Variants in KMT2D observed in about 807,000 individuals in gnomAD.
The protein encoded by KMT2D is lysine methyltransferase 2D.
Under a neutral mutation model 512.7 loss-of-function variants are expected in KMT2D, and 55 were observed. That is an observed-to-expected ratio of 0.11 (90% confidence interval 0.09 to 0.13). The LOEUF (loss-of-function observed/expected upper bound fraction) is 0.13, where lower values mean the gene tolerates loss of function less well. KMT2D is among the 10% of genes least tolerant of loss of function. The pLI is 1.00. For missense variants in KMT2D, 6,061 were observed against 7,127.9 expected, an observed-to-expected ratio of 0.85 and a Z score of 5.39; for synonymous variants, 2,995 against 2,904.0, an observed-to-expected ratio of 1.03 and a Z score of -1.01.
In KMT2D at chr12:49,055,267, C is replaced by A; in HGVS notation, c.49+9G>T. The A allele has an allele frequency of 1.2e-6, 2 of 1,613,896 alleles. No homozygotes were observed. Among genetic ancestry groups the A allele is most frequent in the Non-Finnish European group, 1.7e-6 (2 of 1,179,770 alleles). On this transcript the variant is annotated intron_variant, in intron 2 of 54. Transcript: ENST00000301067. Reference sequence around the variant, plus strand: ...ATCTAAAAGCAAACAAACAATTTGTCCTACTCACCTGCCGGTTCTGAATCT... The same window carrying A: ...ATCTAAAAGCAAACAAACAATTTGTACTACTCACCTGCCGGTTCTGAATCT...
At position 49,052,968 on chromosome 12, in the gene KMT2D, C is replaced by A; in HGVS notation, c.1059G>T (p.Gln353His). ...CAACGGAGCGGATAGTCTGACCTCC[C>A]TGGGCTTTGTGACAGCGGTGACAGA... ...YSLCHRCHKA[Q>H]GGQTIRSVAE... Residue 353 changes from glutamine to histidine, a missense_variant, in exon 9 of 55, where the codon CAG becomes CAT. This residue lies in a region of KMT2D where 848 missense variants were observed against 838.5 expected (regional missense o/e 1.01). Coordinates refer to ENST00000301067, the MANE Select transcript of KMT2D (RefSeq NM_003482.4). 6.2e-7 allele frequency: 1 copy of A among 1,614,042 alleles called. No individual in the cohort carries two copies. Among genetic ancestry groups the A allele is most frequent in the Non-Finnish European group, 8.5e-7 (1 of 1,179,872 alleles).
At chr12:49,057,752 A>G (rs1242461182) in intron 1 of KMT2D, among the ~76,000 whole-genome samples, 3 of 152,184 alleles carry the variant, frequency 2.0e-5, no homozygotes, top group Admixed American at 6.5e-5. Flanking sequence ...CCCATCATTC[A>G]CAGCCAGTAA....
intron 19 of KMT2D, 65 bp downstream of exon 19, chr12:49,045,855 G>T: frequency 2.3e-6 from 3 of 1,301,208 alleles, no homozygotes; most frequent in South Asian, 1.2e-5. Context: ...CTAGGGGGTT[G>T]GAGCTAGACT....
Position 49,031,637 on chromosome 12 carries a change from C to G in KMT2D, c.13068G>C (p.Gly4356=). 6.2e-7 allele frequency: 1 copy of G among 1,604,056 alleles called. No individual in the cohort carries two copies. Among genetic ancestry groups the G allele is most frequent in the Non-Finnish European group, 8.5e-7 (1 of 1,175,546 alleles). Residue 4356 remains glycine, a synonymous_variant, in exon 40 of 55, where the codon GGG becomes GGC. Coordinates refer to ENST00000301067, the MANE Select transcript of KMT2D (RefSeq NM_003482.4). ...PQGPTLEPPP[G]RVSPAAAQLA... ...GCTGGGCAGCAGCAGGTGAGACCCT[C>G]CCAGGAGGCGGCTCCAAGGTTGGCC...
In KMT2D at chr12:49,050,316, G is replaced by A. The variant is rs1352767514; in HGVS notation, c.3272C>T (p.Thr1091Ile). 1.2e-6 allele frequency: 2 copies of A among 1,611,096 alleles called. No homozygotes were observed. The highest frequency in any genetic ancestry group is 1.7e-6 in the Non-Finnish European group (2 of 1,178,632). ...PECPALEPSATSPLPSPMGDL... is the reference protein window; with the variant it reads ...PECPALEPSAISPLPSPMGDL... ...CCCCATTGGGGAAGGGAGAGGACTG[G>A]TGGCACTGGGTTCCAAGGCTGGGCA... Residue 1091 changes from threonine (T) to isoleucine (I), a missense_variant, in exon 12 of 55, where the codon ACC (threonine) becomes ATC (isoleucine). Physicochemically the swap from Thr to Ile is moderately conservative, Grantham distance 89. Coordinates refer to ENST00000301067, the MANE Select transcript of KMT2D (RefSeq NM_003482.4).
At chr12:49,049,619 C>G (rs1390459271) in intron 12 of KMT2D, 63 bp downstream of exon 12, 1 of 1,485,938 alleles carries the variant, frequency 6.7e-7, no homozygotes, top group East Asian at 2.3e-5. Flanking sequence ...ATCAGTGACA[C>G]AGGACTGTAC....
At chr12:49,028,196 A>G in intron 46 of KMT2D, 55 bp from the exon 47 acceptor site, 1 of 1,609,932 alleles carries the variant, frequency 6.2e-7, no homozygotes, top group Non-Finnish European at 8.5e-7. Flanking sequence ...GTCTGAGGTG[A>G]GCTCTACTAC....
At position 49,040,802 on chromosome 12, in the gene KMT2D, G is replaced by A. The variant is rs773602108; in HGVS notation, c.6968C>T (p.Thr2323Ile). 6.2e-7 allele frequency: 1 copy of A among 1,613,732 alleles called. No homozygotes were observed. The highest frequency in any genetic ancestry group is 1.1e-5 in the South Asian group (1 of 91,088). Residue 2323 changes from threonine (T) to isoleucine (I), a missense_variant, in exon 32 of 55, where the codon ACA becomes ATA. Physicochemically the swap from Thr to Ile is moderately conservative, Grantham distance 89. Coordinates refer to ENST00000301067, the MANE Select transcript of KMT2D (RefSeq NM_003482.4). ...CAGGGGGGCTTTGAAGACATCAGGT[G>A]TCTTTAACTCCAGGCCACCCAGGTG... ...GTHLGGLELKTPDVFKAPLTP... is the reference protein window; with the variant it reads ...GTHLGGLELKIPDVFKAPLTP...
At position 49,037,663 on chromosome 12, in the gene KMT2D, A is replaced by G; in HGVS notation, c.9693T>C (p.Asp3231=). 2 of 1,581,236 alleles carry G rather than the reference A, an allele frequency of 1.3e-6. No individual in the cohort carries two copies. Among genetic ancestry groups the G allele is most frequent in the South Asian group, 1.2e-5 (1 of 86,240 alleles). The change falls in exon 35 of 55, where the codon GAT becomes GAC. Residue 3231 remains aspartate, a synonymous_variant. Coordinates refer to ENST00000301067, the MANE Select transcript of KMT2D (RefSeq NM_003482.4). Reference sequence around the variant, plus strand: ...GTGAGCTCTCCATCTTGTCTAGCTCATCCCCAGATGCTGCAGGTCCACCAG... The same window carrying G: ...GTGAGCTCTCCATCTTGTCTAGCTCGTCCCCAGATGCTGCAGGTCCACCAG... ...TLPGGPAASG[D]ELDKMESSLV...
rs1253064127 is a variant in KMT2D at position 49,048,135 on chromosome 12, C to A, written c.4132-66G>T. Reference sequence around the variant, plus strand: ...CCCCATCCCACTCAGATCCAGTCTACTATGACGCTACAACACTGATTTGCG... The same window carrying A: ...CCCCATCCCACTCAGATCCAGTCTAATATGACGCTACAACACTGATTTGCG... On this transcript the variant is annotated intron_variant, in intron 14 of 54. Coordinates refer to ENST00000301067, the MANE Select transcript of KMT2D (RefSeq NM_003482.4). 3.7e-6 allele frequency: 4 copies of A among 1,079,578 alleles called. No individual in the cohort carries two copies. In the African/African-American group the frequency reaches 6.2e-5, roughly 17 times the overall value. The allele number at this position is 1,079,578 out of a possible 1,614,324, so 66.9% of individuals were successfully genotyped here.
intron 25 of KMT2D, 41 bp from the exon 26 acceptor site, chr12:49,043,227 G>A: frequency 6.4e-7 from 1 of 1,565,768 alleles, no homozygotes; most frequent in South Asian, 1.1e-5. Context: ...AGGCCAGGAT[G>A]GGTCATGGCC....
At chr12:49,057,085 C>G (rs111514395) in intron 1 of KMT2D, among the ~76,000 whole-genome samples, 1 of 152,098 alleles carries the variant, frequency 6.6e-6, no homozygotes, top group Non-Finnish European at 1.5e-5. Flanking sequence ...CTGGCCGGCT[C>G]GTACAAAAGC....
rs1340981521 is a variant in KMT2D, at chr12:49,043,969, C to T, written c.5218G>A (p.Ala1740Thr). 8 of 1,614,066 alleles carry T rather than the reference C, an allele frequency of 5.0e-6. No individual in the cohort carries two copies. Among genetic ancestry groups the T allele is most frequent in the Admixed American group, 3.3e-5 (2 of 60,030 alleles). Reference sequence around the variant, plus strand: ...CCTTCAGCTAAGCTCTGCTCCACGGCGCCCTCTGCAGGCAGGTCAGCAGGT... The same window carrying T: ...CCTTCAGCTAAGCTCTGCTCCACGGTGCCCTCTGCAGGCAGGTCAGCAGGT... Reference protein sequence around the residue: ...VIPADLPAEGAVEQSLAEGDE... With the variant: ...VIPADLPAEGTVEQSLAEGDE... The change falls in exon 23 of 55, where the codon GCC becomes ACC. Residue 1740 changes from alanine to threonine, a missense_variant. Physicochemically the swap from Ala to Thr is moderately conservative, Grantham distance 58 (BLOSUM62 0). Around this residue, in one of 16 missense-constraint regions of KMT2D, gnomAD observed 640 missense variants for 814.3 expected, o/e 0.79. Transcript: ENST00000301067.
At position 49,021,717 on chromosome 12, in the gene KMT2D, C is replaced by T. The variant is rs1942336499; in HGVS notation, c.*63G>A. ...TCTGGCTGCTACCTCTCTTCCCCCTCATCCCTTTCAGGGAAGAGGTTGTGG... is the reference window on the plus strand; with the variant it reads ...TCTGGCTGCTACCTCTCTTCCCCCTTATCCCTTTCAGGGAAGAGGTTGTGG... On this transcript the variant is annotated 3_prime_UTR_variant, in exon 55 of 55. Coordinates refer to ENST00000301067, the MANE Select transcript of KMT2D (RefSeq NM_003482.4). The T allele has an allele frequency of 2.2e-6, 3 of 1,353,040 alleles. No individual in the cohort carries two copies. The South Asian group carries it at 3.6e-5, about 16-fold the overall frequency. 83.8% of individuals were successfully genotyped at this position (1,353,040 alleles called of 1,614,324 possible).
chr12:49,029,430 T>C lies in KMT2D; in HGVS notation c.14046A>G (p.Thr4682=). ...CATCCTCAGTCTGATTGTGAGGGGGTGTAGGCAAGGCAGCCAGCAGGTCTA... is the reference window on the plus strand; with the variant it reads ...CATCCTCAGTCTGATTGTGAGGGGGCGTAGGCAAGGCAGCCAGCAGGTCTA... ...KSLDLLAALP[T]PPHNQTEDVR... Residue 4682 remains threonine (T), a synonymous_variant, in exon 44 of 55, where the codon ACA becomes ACG. Coordinates refer to ENST00000301067, the MANE Select transcript of KMT2D (RefSeq NM_003482.4). 1 of 1,557,290 alleles carries C rather than the reference T, an allele frequency of 6.4e-7. No individual in the cohort carries two copies. The highest frequency in any genetic ancestry group is 1.7e-4 in the Middle Eastern group (1 of 6,000).
intron 46 of KMT2D, among the ~76,000 whole-genome samples, chr12:49,028,559 C>T (rs1426272016): frequency 1.3e-5 from 2 of 152,188 alleles, no homozygotes; most frequent in South Asian, 2.1e-4. Flanking sequence ...ATGACTGGGG[C>T]AATGCTGTCA....
Position 49,041,107 on chromosome 12 carries a change from G to A in KMT2D, c.6663C>T (p.Gly2221=), listed in dbSNP as rs778603250. Residue 2221 remains glycine (G), a synonymous_variant, in exon 32 of 55, where the codon GGC becomes GGT. Transcript: ENST00000301067. The surrounding 1 kb of genome is among the most constrained non-coding windows in gnomAD (Gnocchi z 5.4). ...GGGTAGTGTGGAATTCCCCTGGCTG[G>A]CCAGCCCCAGGACGAGATGAGGCGC... ...MLGASSRPGA[G]QPGEFHTTPP... 1.6e-5 allele frequency: 24 copies of A among 1,531,186 alleles called. No homozygotes were observed. Among genetic ancestry groups the A allele is most frequent in the Non-Finnish European group, 2.1e-5 (24 of 1,142,698 alleles). 94.8% of individuals were successfully genotyped at this position (1,531,186 alleles called of 1,614,324 possible).
Position 49,048,735 on chromosome 12 carries a change from T to G in KMT2D, c.4055A>C (p.Glu1352Ala). 1 of 1,612,306 alleles carries G rather than the reference T, an allele frequency of 6.2e-7. No individual in the cohort carries two copies. Among genetic ancestry groups the G allele is most frequent in the Non-Finnish European group, 8.5e-7 (1 of 1,178,838 alleles). ...ADIDSSPSKE[E>A]EEEDDDTMQN... The stretch of plus-strand genomic sequence containing the variant: ...CATGGTGTCATCATCTTCTTCCTCC[T>G]CCTCCTTACTGGGAGAGCTATCAAT... The change falls in exon 14 of 55, where the codon GAG becomes GCG. Residue 1352 changes from glutamate (E) to alanine (A), a missense_variant. Glu to Ala is a moderately radical substitution (Grantham distance 107). Transcript: ENST00000301067.
chr12:49,029,037 GC>G, intron 45 of KMT2D, 23 bp downstream of exon 45: 1 of 1,604,234 alleles, frequency 6.2e-7, no homozygotes, highest in Non-Finnish European at 8.5e-7. Flanking sequence ...ACTGGGCCTG[GC>G]CCACATCCAG....
Sources: gnomAD v4.1 joint callset for allele counts (sites outside exome capture counted in the v4.1 genomes callset) on GRCh38, gnomAD v4.1.1 for gene constraint, gnomAD v4.1.1 regional missense constraint, Gnocchi (gnomAD v3.1) non-coding constraint, MANE v1.5 for transcripts, NCBI Gene and HGNC (gene_info 2026-07-23, HGNC 2026-07-21) for gene names.